CEP89: variants seen among roughly 807,000 people sequenced by gnomAD.
CEP89 encodes the protein centrosomal protein 89, also known as centrosomal protein of 89 kDa.
Under a neutral mutation model 97.6 loss-of-function variants are expected in CEP89, and 95 were observed. That is an observed-to-expected ratio of 0.97 (90% CI 0.82 to 1.15). The LOEUF (loss-of-function observed/expected upper bound fraction) is 1.15. Among genes scored for constraint, CEP89 ranks in the 50% most tolerant of loss-of-function variants. The pLI is 0.00. For synonymous variants in CEP89, 354 were observed against 349.1 expected, an observed-to-expected ratio of 1.01 and a Z score of -0.16; for missense variants, 869 against 947.7, an observed-to-expected ratio of 0.92 and a Z score of 1.09.
chr19:32,960,095 T>C (rs1205950981), intron 2 of CEP89, 37 bp from the exon 3 acceptor site: 2 of 1,611,288 alleles, frequency 1.2e-6, no homozygotes, highest in Admixed American at 1.7e-5. Context: ...CAGTGAGACA[T>C]GAACATTCCA....
rs533696890 is a variant in CEP89 at position 32,933,105 on chromosome 19, C to T, written c.886+346G>A. 5.3e-5 allele frequency among the ~76,000 whole-genome samples: 8 copies of T among 152,130 alleles called. 1 individual carries two copies. The East Asian group carries it at 1.5e-3, about 29-fold the overall frequency. ...ATAAAAGTAGCAAGGAAAATATAAT[C>T]ATTGGTAAGTCTACGGTAAAGGAGG... On this transcript the variant is annotated intron_variant, in intron 8 of 18. Coordinates refer to ENST00000305768, the MANE Select transcript of CEP89 (RefSeq NM_032816.5).
chr19:32,903,873 C>T (rs1271249441), intron 14 of CEP89, among the ~76,000 whole-genome samples: 2 of 152,146 alleles, frequency 1.3e-5, no homozygotes, highest in Non-Finnish European at 2.9e-5. Context: ...GTAAAGAAAC[C>T]ATGCTGGCCG....
At chr19:32,968,470 A>T (rs1971330709) in intron 1 of CEP89, among the ~76,000 whole-genome samples, 1 of 151,992 alleles carries the variant, frequency 6.6e-6, no homozygotes, top group South Asian at 2.1e-4. Context: ...GTGGTCTCAA[A>T]CTCCTGACCT....
intron 2 of CEP89, among the ~76,000 whole-genome samples, chr19:32,962,329 G>A (rs112385054): frequency 2.0e-5 from 3 of 152,240 alleles, no homozygotes; most frequent in African/African-American, 7.2e-5. Context: ...CATGATTGTT[G>A]GTTTCCTGAG....
At chr19:32,926,889 T>A in intron 10 of CEP89, 45 bp downstream of exon 10, 1 of 1,567,908 alleles carries the variant, frequency 6.4e-7, no homozygotes, top group Non-Finnish European at 8.8e-7. Context: ...GCTATGCAAA[T>A]ATACCCTGAA....
intron 3 of CEP89, among the ~76,000 whole-genome samples, chr19:32,954,155 G>A (rs887530112): frequency 1.3e-5 from 2 of 151,940 alleles, no homozygotes; most frequent in Admixed American, 1.3e-4. Flanking sequence ...TTACAGGCGT[G>A]AGCCACTGTG....
intron 9 of CEP89, among the ~76,000 whole-genome samples, chr19:32,929,900 A>G (rs1970435444): frequency 6.6e-6 from 1 of 152,222 alleles, no homozygotes. Flanking sequence ...AATGTTCAGA[A>G]CAGACAAGTT....
At chr19:32,946,227 G>A (rs574819305) in intron 5 of CEP89, among the ~76,000 whole-genome samples, 1 of 152,216 alleles carries the variant, frequency 6.6e-6, no homozygotes, top group East Asian at 1.9e-4. Context: ...TCAGCCTCCT[G>A]CATAGCTGGG....
chr19:32,933,386 ACT>A, intron 8 of CEP89, 63 bp downstream of exon 8: 1 of 1,136,646 alleles, frequency 8.8e-7, no homozygotes, highest in South Asian at 1.4e-5. Context: ...TAAAATATTA[ACT>A]CTCAAAATAA....
intron 14 of CEP89, among the ~76,000 whole-genome samples, chr19:32,902,997 C>G (rs1269271733): frequency 6.6e-6 from 1 of 152,006 alleles, no homozygotes; most frequent in Non-Finnish European, 1.5e-5. Context: ...CTAACTTAGC[C>G]CTAAGACTAG....
chr19:32,956,137 G>A lies in CEP89; in HGVS notation c.306-2336C>T, dbSNP rs1032728569. On this transcript the variant is annotated intron_variant, in intron 3 of 18. Coordinates refer to ENST00000305768, the MANE Select transcript of CEP89 (RefSeq NM_032816.5). ...GTGGCTCCATCTTGGCTCACTGCAA[G>A]CTCCACCTCCCGGGTTCACGCCATT... Among the ~76,000 whole-genome samples, 3 of 139,172 alleles carry A rather than the reference G, an allele frequency of 2.2e-5. No homozygotes were observed. The Admixed American group carries it at 2.3e-4, about 11-fold the overall frequency. 91.3% of individuals were successfully genotyped at this position (139,172 alleles called of 152,430 possible). A position where few individuals can be genotyped will look rare whatever the true frequency, so the allele number is the denominator to read the frequency against.
chr19:32,925,281 T>C (rs145887629), intron 11 of CEP89, among the ~76,000 whole-genome samples: 1 of 152,120 alleles, frequency 6.6e-6, no homozygotes, highest in African/African-American at 2.4e-5. Context: ...CTTGGCCTCC[T>C]GAAGTTAGAA....
At chr19:32,971,639 A>C in intron 1 of CEP89, 197 bp downstream of exon 1, 1 of 616,274 alleles carries the variant, frequency 1.6e-6, no homozygotes, top group Non-Finnish European at 2.9e-6. Context: ...CCTGGGCGAC[A>C]GAGCGAGACC....
At chr19:32,971,611 C>A in intron 1 of CEP89, 1 of 599,890 alleles carries the variant, frequency 1.7e-6, no homozygotes, top group South Asian at 2.0e-5. Context: ...GAGCTATGAT[C>A]GCACCACTGC....
intron 16 of CEP89, among the ~76,000 whole-genome samples, chr19:32,896,984 CA>C (rs2145882772): frequency 6.6e-6 from 1 of 152,254 alleles, no homozygotes; most frequent in East Asian, 1.9e-4. Context: ...CATCTTACTC[CA>C]GTTAGAATGG....
At chr19:32,887,657 G>T (rs75149806) in intron 17 of CEP89, 95 bp downstream of exon 17, 351 of 747,552 alleles carry the variant, frequency 4.7e-4, no homozygotes, top group Non-Finnish European at 7.5e-4. Context: ...TGATGCACAT[G>T]CAAAAGGTGT....
rs568784258 is a variant in CEP89 at position 32,971,048 on chromosome 19, A to G, written c.39+788T>C. 6.3e-4 allele frequency: 96 copies of G among 152,964 alleles called. 1 individual carries two copies. Among genetic ancestry groups the G allele is most frequent in the African/African-American group, 2.2e-3 (90 of 41,600 alleles). 9.5% of individuals were successfully genotyped at this position (152,964 alleles called of 1,614,324 possible). A position where few individuals can be genotyped will look rare whatever the true frequency, so the allele number is the denominator to read the frequency against. Reference sequence around the variant, plus strand: ...AAACTAAATTAAATAATAAATAAATATAAGAATCCCCTTGGCTGCTACGTG... The same window carrying G: ...AAACTAAATTAAATAATAAATAAATGTAAGAATCCCCTTGGCTGCTACGTG... On this transcript the variant is annotated intron_variant, in intron 1 of 18. Transcript: ENST00000305768.
At chr19:32,902,010 C>CTCTGTGTGTGTGTG (rs1207481256) in intron 14 of CEP89, among the ~76,000 whole-genome samples, 2,934 of 133,720 alleles carry the variant, frequency 0.022, 39 homozygotes, top group Non-Finnish European at 0.028. Flanking sequence ...CTCTCTCTCT[C>CTCTGTGTGTGTGTG]TGTGTGTGTG....
chr19:32,934,370 G>A (rs1008699480), intron 7 of CEP89, among the ~76,000 whole-genome samples: 4 of 152,190 alleles, frequency 2.6e-5, no homozygotes, highest in African/African-American at 7.2e-5. Flanking sequence ...GGAGAAAACC[G>A]AGGTCACATA....
Sources: allele counts gnomAD v4.1 joint callset (sites outside exome capture counted in the v4.1 genomes callset), GRCh38; gene constraint gnomAD v4.1.1; transcripts MANE v1.5; gene names NCBI Gene and HGNC (gene_info 2026-07-23, HGNC 2026-07-21).